Variants in RAPGEF5 observed in about 807,000 individuals in gnomAD.
RAPGEF5 encodes M-Ras-regulated GEF.
RAPGEF5 carries 65 observed loss-of-function variants against 125.2 expected under a neutral mutation model. The observed-to-expected ratio is 0.52, with a 90% CI of 0.43 to 0.64. The LOEUF (loss-of-function observed/expected upper bound fraction) is 0.64, where lower values mean the gene tolerates loss of function less well. RAPGEF5 is among the 30% of genes least tolerant of loss of function. The probability of loss-of-function intolerance (pLI) is 0.00; values close to 1 mark genes in which losing one functional copy is unlikely to be tolerated. For synonymous variants in RAPGEF5, 391 were observed against 385.9 expected (o/e 1.01, Z -0.16); for missense variants, 958 against 1,048.1 (o/e 0.91, Z 1.19).
chr7:22,322,271 G>A (rs1220095364), intron 1 of RAPGEF5, among the ~76,000 whole-genome samples: 2 of 151,580 alleles, frequency 1.3e-5, no homozygotes, highest in Admixed American at 1.3e-4. Flanking sequence ...GAGTAGCTGG[G>A]ACTACAGGCA....
intron 24 of RAPGEF5, among the ~76,000 whole-genome samples, chr7:22,127,152 C>A (rs1782774450): frequency 6.6e-6 from 1 of 151,160 alleles, no homozygotes. Context: ...GATTCTCCTG[C>A]CTCAGCCTCC....
chr7:22,258,880 C>T (rs566448692), intron 7 of RAPGEF5, among the ~76,000 whole-genome samples: 2 of 151,964 alleles, frequency 1.3e-5, no homozygotes, highest in Non-Finnish European at 1.5e-5. Context: ...GGGCCCCAGA[C>T]CTACATGTAA....
Position 22,133,368 on chromosome 7 carries a change from G to T in RAPGEF5, c.2417-2267C>A, listed in dbSNP as rs551875289. ...TGCATGACACGGAAGGTATGAGAGA[G>T]AAACAAATGAGAGGTTGGGCTGAAA... On this transcript the variant is annotated intron_variant, in intron 23 of 25. Coordinates refer to ENST00000665637, the MANE Select transcript of RAPGEF5 (RefSeq NM_012294.5). Among the ~76,000 whole-genome samples the T allele has an allele frequency of 1.1e-4, 17 of 152,246 alleles. 1 individual carries two copies. In the South Asian group the frequency reaches 3.5e-3, roughly 32 times the overall value.
Position 22,282,019 on chromosome 7 carries a change from C to T in RAPGEF5, c.747+9156G>A, listed in dbSNP as rs563954970. On this transcript the variant is annotated intron_variant, in intron 6 of 25. Coordinates refer to ENST00000665637, the MANE Select transcript of RAPGEF5 (RefSeq NM_012294.5). The stretch of plus-strand genomic sequence containing the variant: ...CAAACATATCCCATCTTGGCTCTTT[C>T]ACTCATGCTATTCTTTCTAATTAGA... Among the ~76,000 whole-genome samples, 339 of 152,310 alleles carry T rather than the reference C, an allele frequency of 2.2e-3. 1 individual carries two copies. The highest frequency in any genetic ancestry group is 9.3e-3 in the South Asian group (45 of 4,818).
chr7:22,337,560 T>A (rs896059087), intron 1 of RAPGEF5, among the ~76,000 whole-genome samples: 1 of 152,202 alleles, frequency 6.6e-6, no homozygotes, highest in East Asian at 1.9e-4. Flanking sequence ...GCAGTTTAGT[T>A]TGGGGAAGAG....
Position 22,122,431 on chromosome 7 carries a change from G to A in RAPGEF5, c.2627C>T (p.Ser876Leu). 1 of 1,613,740 alleles carries A rather than the reference G, an allele frequency of 6.2e-7. No individual in the cohort carries two copies. Among genetic ancestry groups the A allele is most frequent in the Non-Finnish European group, 8.5e-7 (1 of 1,179,764 alleles). Reference sequence around the variant, plus strand: ...TCACACCCGAGGCTCGATCCTGTGTGAGAGCTCAAACAGAGCCTGCTGGCT... The same window carrying A: ...TCACACCCGAGGCTCGATCCTGTGTAAGAGCTCAAACAGAGCCTGCTGGCT... ...IDSQQALFEL[S>L]HRIEPRV The change falls in exon 26 of 26, where the codon TCA (serine) becomes TTA (leucine). Residue 876 changes from serine (S) to leucine (L), a missense_variant. Ser to Leu is a moderately radical substitution (Grantham distance 145, BLOSUM62 -2). Coordinates refer to ENST00000665637, the MANE Select transcript of RAPGEF5 (RefSeq NM_012294.5).
chr7:22,124,613 T>C (rs1229398895), intron 25 of RAPGEF5, among the ~76,000 whole-genome samples: 6 of 152,250 alleles, frequency 3.9e-5, no homozygotes, highest in African/African-American at 1.4e-4. Context: ...AGTACTTTTC[T>C]TGAGAAGTAG....
At chr7:22,305,473 G>A (rs1025921056) in intron 5 of RAPGEF5, among the ~76,000 whole-genome samples, 3 of 151,988 alleles carry the variant, frequency 2.0e-5, no homozygotes, top group South Asian at 2.1e-4. Flanking sequence ...GAGATGTTTC[G>A]ATACAGGCAT....
chr7:22,153,986 C>G (rs79205650), intron 17 of RAPGEF5, among the ~76,000 whole-genome samples: 2,966 of 152,282 alleles, frequency 0.019, 102 homozygotes, highest in African/African-American at 0.068. Context: ...CTCCCCACGT[C>G]CACCTAAAGG....
At chr7:22,292,985 A>G (rs555983284) in intron 5 of RAPGEF5, among the ~76,000 whole-genome samples, 1 of 152,256 alleles carries the variant, frequency 6.6e-6, no homozygotes, top group Non-Finnish European at 1.5e-5. Flanking sequence ...GTGACAAACA[A>G]TTTAGTCCCT....
intron 7 of RAPGEF5, among the ~76,000 whole-genome samples, chr7:22,243,624 CAAAT>C (rs1317861347): frequency 2.0e-5 from 3 of 152,012 alleles, no homozygotes; most frequent in Non-Finnish European, 2.9e-5. Flanking sequence ...TTTTAATTGA[CAAAT>C]AAGAGTTGTA....
chr7:22,306,782 T>C (rs918022726), intron 5 of RAPGEF5, among the ~76,000 whole-genome samples: 4 of 152,198 alleles, frequency 2.6e-5, no homozygotes, highest in African/African-American at 9.7e-5. Context: ...GGATAGCCAG[T>C]TCTCCCAGCA....
chr7:22,285,819 A>G (rs1782783482), intron 6 of RAPGEF5, among the ~76,000 whole-genome samples: 1 of 152,226 alleles, frequency 6.6e-6, no homozygotes, highest in Non-Finnish European at 1.5e-5. Context: ...AGCCCTTATG[A>G]AAAGGAATTT....
intron 11 of RAPGEF5, among the ~76,000 whole-genome samples, chr7:22,185,292 T>C (rs1784794107): frequency 6.6e-6 from 1 of 152,196 alleles, no homozygotes; most frequent in Non-Finnish European, 1.5e-5. Flanking sequence ...AGGATCCATC[T>C]AATGGGACAA....
At chr7:22,248,258 G>C (rs1286847814) in intron 7 of RAPGEF5, among the ~76,000 whole-genome samples, 1 of 152,154 alleles carries the variant, frequency 6.6e-6, no homozygotes, top group Non-Finnish European at 1.5e-5. Context: ...TGATGACACT[G>C]TCCATTTGGT....
intron 9 of RAPGEF5, among the ~76,000 whole-genome samples, chr7:22,214,693 C>T (rs1408004751): frequency 2.0e-5 from 3 of 148,250 alleles, no homozygotes; most frequent in African/African-American, 7.5e-5. Flanking sequence ...CGCCCCCCAA[C>T]CCCCATCCCT....
intron 7 of RAPGEF5, among the ~76,000 whole-genome samples, chr7:22,255,898 T>C (rs954310787): frequency 2.0e-5 from 3 of 152,236 alleles, no homozygotes; most frequent in Non-Finnish European, 2.9e-5. Context: ...GGAGTGTGGC[T>C]GGAAATGCCA....
chr7:22,334,368 C>A (rs557847255), intron 1 of RAPGEF5, among the ~76,000 whole-genome samples: 4 of 152,184 alleles, frequency 2.6e-5, no homozygotes, highest in Non-Finnish European at 5.9e-5. Flanking sequence ...CTAAGGGCAG[C>A]AGTGTAAAAC....
intron 1 of RAPGEF5, among the ~76,000 whole-genome samples, chr7:22,330,742 AG>A (rs1224205153): frequency 6.6e-6 from 1 of 152,200 alleles, no homozygotes; most frequent in East Asian, 1.9e-4. Context: ...ATACGCAACC[AG>A]GTTCTATATC....
Sources: gnomAD v4.1 joint callset for allele counts (sites outside exome capture counted in the v4.1 genomes callset) on GRCh38, gnomAD v4.1.1 for gene constraint, MANE v1.5 for transcripts, NCBI Gene and HGNC (gene_info 2026-07-23, HGNC 2026-07-21) for gene names.